ROCK1: variants seen among roughly 807,000 people sequenced by gnomAD.
The protein encoded by ROCK1 is rho-associated protein kinase 1.
In ROCK1, 36 loss-of-function variants were observed where a neutral mutation model predicts 196.8. That is an observed-to-expected ratio of 0.18 (90% CI 0.14 to 0.24). The LOEUF (loss-of-function observed/expected upper bound fraction) is 0.24. Among genes scored for constraint, ROCK1 ranks in the 10% least tolerant of loss-of-function variants. The pLI, the probability that ROCK1 is intolerant of heterozygous loss-of-function variation, is 1.00. For missense variants in ROCK1, 920 were observed against 1,562.0 expected (o/e 0.59, Z 6.93); for synonymous variants, 443 against 515.9 (o/e 0.86, Z 1.91).
chr18:21,105,451 C>T (rs1185007809), intron 1 of ROCK1, among the ~76,000 whole-genome samples: 1 of 152,158 alleles, frequency 6.6e-6, no homozygotes, highest in East Asian at 1.9e-4. Context: ...CTTTAAGGCT[C>T]AAAGATTTAA....
At chr18:21,110,695 GA>G in intron 1 of ROCK1, 122 bp downstream of exon 1, 1 of 789,074 alleles carries the variant, frequency 1.3e-6, no homozygotes, top group Admixed American at 2.2e-5. Flanking sequence ...TCAGGAAACA[GA>G]AATCTAGCAT....
chr18:21,026,445 GAAAAAAAAAAAAAAAAA>G (rs747563785), intron 10 of ROCK1, among the ~76,000 whole-genome samples: 1 of 35,308 alleles, frequency 2.8e-5, no homozygotes, highest in African/African-American at 1.1e-4. Flanking sequence ...ACTCTGTCTC[GAAAAAAAAAAAAAAAAA>G]AAAAAAAAGA....
intron 16 of ROCK1, among the ~76,000 whole-genome samples, chr18:20,994,998 C>T (rs1054901962): frequency 1.2e-4 from 18 of 152,124 alleles, no homozygotes; most frequent in African/African-American, 3.9e-4. Context: ...CTAAAAACCA[C>T]ACTAACAATA....
chr18:21,065,087 C>G (rs1344413296), intron 2 of ROCK1, among the ~76,000 whole-genome samples: 1 of 152,188 alleles, frequency 6.6e-6, no homozygotes, highest in Non-Finnish European at 1.5e-5. Flanking sequence ...GTTATCTGAC[C>G]TAAAATGTCA....
At chr18:20,996,092 G>A (rs557809762) in intron 16 of ROCK1, among the ~76,000 whole-genome samples, 6 of 152,248 alleles carry the variant, frequency 3.9e-5, no homozygotes, top group African/African-American at 1.4e-4. Context: ...ACCAATCCTG[G>A]AGAGACAGAG....
At chr18:21,062,627 A>T (rs1403601003) in intron 2 of ROCK1, among the ~76,000 whole-genome samples, 1 of 152,178 alleles carries the variant, frequency 6.6e-6, no homozygotes, top group Non-Finnish European at 1.5e-5. Flanking sequence ...GAGAGTATGG[A>T]AAGGGAATAC....
At chr18:20,997,627 G>C (rs190686547) in intron 16 of ROCK1, among the ~76,000 whole-genome samples, 1 of 152,156 alleles carries the variant, frequency 6.6e-6, no homozygotes, top group African/African-American at 2.4e-5. Flanking sequence ...CTGCACTATA[G>C]ACCAAATGGG....
chr18:21,044,143 A>T lies in ROCK1; in HGVS notation c.634T>A (p.Leu212Met). Residue 212 changes from leucine to methionine, a missense_variant, in exon 6 of 33, where the codon TTG becomes ATG. By Grantham distance (15) the Leu-to-Met change is conservative (BLOSUM62 2). Around this residue, in one of 6 missense-constraint regions of ROCK1, gnomAD observed 234 missense variants for 460.7 expected, o/e 0.51. Coordinates refer to ENST00000399799, the MANE Select transcript of ROCK1 (RefSeq NM_005406.3). ...CAAGTACCAAAATCTGCTAACTTCAAATGTCCAGATTTATCCAGCAGCATG... is the reference window on the plus strand; with the variant it reads ...CAAGTACCAAAATCTGCTAACTTCATATGTCCAGATTTATCCAGCAGCATG... The part of the protein sequence containing the change: ...DNMLLDKSGH[L>M]KLADFGTCMK... The T allele has an allele frequency of 4.3e-6, 7 of 1,611,562 alleles. No homozygotes were observed. Among genetic ancestry groups the T allele is most frequent in the Non-Finnish European group, 5.9e-6 (7 of 1,178,960 alleles).
intron 27 of ROCK1, among the ~76,000 whole-genome samples, chr18:20,963,354 C>A (rs2035344522): frequency 6.6e-6 from 1 of 152,076 alleles, no homozygotes; most frequent in South Asian, 2.1e-4. Flanking sequence ...CACAAACATA[C>A]TGCTTAAGAA....
At chr18:20,968,709 G>C (rs542283041) in intron 25 of ROCK1, 63 bp downstream of exon 25, 1 of 953,782 alleles carries the variant, frequency 1.0e-6, no homozygotes, top group Non-Finnish European at 1.7e-6. Flanking sequence ...TTAGGAAAAA[G>C]TGCATAAAGA....
intron 25 of ROCK1, 102 bp from the exon 26 acceptor site, chr18:20,968,042 A>T (rs2035390500): frequency 9.0e-7 from 1 of 1,116,670 alleles, no homozygotes; most frequent in Non-Finnish European, 1.2e-6. Flanking sequence ...TTCTGTGTGT[A>T]TGAAAATTAG....
intron 9 of ROCK1, among the ~76,000 whole-genome samples, chr18:21,032,283 C>T (rs1266490629): frequency 6.6e-6 from 1 of 152,018 alleles, no homozygotes; most frequent in Non-Finnish European, 1.5e-5. Flanking sequence ...TTAAGCTACT[C>T]AAAGTAAACT....
chr18:21,068,145 A>G (rs2036353335), intron 2 of ROCK1, among the ~76,000 whole-genome samples: 1 of 152,202 alleles, frequency 6.6e-6, no homozygotes, highest in African/African-American at 2.4e-5. Flanking sequence ...AAACTTGCCT[A>G]AGGAAAGTGG....
Position 20,967,074 on chromosome 18 carries a change from T to C in ROCK1, c.3195A>G (p.Gln1065=), listed in dbSNP as rs775337263. The stretch of plus-strand genomic sequence containing the variant: ...TCCTATGTGCACATTCTTCTACCAA[T>C]TGCTAATTTTGAAAAGTATCAAGAT... ...HQKELNDMQA[Q]LVEECAHRNE... The change falls in exon 27 of 33, where the codon CAA becomes CAG. Residue 1065 remains glutamine, a splice_region_variant and synonymous_variant. Coordinates refer to ENST00000399799, the MANE Select transcript of ROCK1 (RefSeq NM_005406.3). 4 of 1,599,666 alleles carry C rather than the reference T, an allele frequency of 2.5e-6. No individual in the cohort carries two copies. The South Asian group carries it at 3.4e-5, about 13-fold the overall frequency.
chr18:21,033,706 A>G (rs1416325944), intron 9 of ROCK1, among the ~76,000 whole-genome samples: 1 of 151,712 alleles, frequency 6.6e-6, no homozygotes, highest in African/African-American at 2.4e-5. Context: ...AAGAAAATTA[A>G]GGGAACAATT....
At chr18:21,002,289 T>C (rs1388990522) in intron 16 of ROCK1, among the ~76,000 whole-genome samples, 1 of 152,080 alleles carries the variant, frequency 6.6e-6, no homozygotes, top group African/African-American at 2.4e-5. Flanking sequence ...TCTATGCATA[T>C]CAAAAAGCAA....
At chr18:21,075,195 G>A (rs1040550899) in intron 1 of ROCK1, among the ~76,000 whole-genome samples, 1 of 152,270 alleles carries the variant, frequency 6.6e-6, no homozygotes. Flanking sequence ...AAGTAGAAGA[G>A]ACAGGTGGAG....
intron 16 of ROCK1, among the ~76,000 whole-genome samples, chr18:20,997,464 T>C (rs2035682063): frequency 6.6e-6 from 1 of 152,180 alleles, no homozygotes; most frequent in African/African-American, 2.4e-5. Context: ...TAAATACAGA[T>C]GCACCCAACA....
Position 21,026,701 on chromosome 18 carries a change from T to G in ROCK1, c.1211+2075A>C, listed in dbSNP as rs138345555. Among the ~76,000 whole-genome samples, 208 of 152,152 alleles carry G rather than the reference T, an allele frequency of 1.4e-3. No individual in the cohort carries two copies. In the East Asian group the frequency reaches 0.014, roughly 10 times the overall value. On this transcript the variant is annotated intron_variant, in intron 10 of 32. Transcript: ENST00000399799. ...GTTTTCTAAGATTAACTTGAATGGCTCTTACACTAAAATGACAAGACCCTT... is the reference window on the plus strand; with the variant it reads ...GTTTTCTAAGATTAACTTGAATGGCGCTTACACTAAAATGACAAGACCCTT...
Sources: allele counts gnomAD v4.1 joint callset (sites outside exome capture counted in the v4.1 genomes callset), GRCh38; gene constraint gnomAD v4.1.1; regional missense constraint gnomAD v4.1.1; transcripts MANE v1.5; gene names NCBI Gene and HGNC (gene_info 2026-07-23, HGNC 2026-07-21).